The following CACNB1 variants were observed in gnomAD, a reference collection of about 807,000 sequenced individuals.
CACNB1 encodes the protein voltage-dependent L-type calcium channel subunit beta-1.
Under a neutral mutation model 71.6 loss-of-function variants are expected in CACNB1, and 29 were observed. The observed-to-expected ratio is 0.40, with a 90% CI of 0.30 to 0.55. The LOEUF is 0.55. CACNB1 is among the 20% of genes least tolerant of loss of function. CACNB1 has a pLI of 0.38. For synonymous variants in CACNB1, 300 were observed against 319.6 expected, an observed-to-expected ratio of 0.94 and a Z score of 0.65; for missense variants, 623 against 801.8, an observed-to-expected ratio of 0.78 and a Z score of 2.69.
Position 39,183,693 on chromosome 17 carries a change from G to A in CACNB1, c.1050+20C>T. On this transcript the variant is annotated intron_variant, in intron 11 of 13. Transcript: ENST00000394303. ...TTTCAAACCACGCTGTCCTGGCCAGGGTCAGGCTCCTGCACCCACCTTGGG... is the reference window on the plus strand; with the variant it reads ...TTTCAAACCACGCTGTCCTGGCCAGAGTCAGGCTCCTGCACCCACCTTGGG... The A allele has an allele frequency of 6.4e-7, 1 of 1,565,604 alleles. No homozygotes were observed. The highest frequency in any genetic ancestry group is 8.7e-7 in the Non-Finnish European group (1 of 1,152,272).
intron 13 of CACNB1, among the ~76,000 whole-genome samples, chr17:39,176,014 ATTAGCGGTTGATTCGG>A (rs1213065709): frequency 6.6e-6 from 1 of 152,208 alleles, no homozygotes; most frequent in Non-Finnish European, 1.5e-5. Flanking sequence ...ATTGCCACTC[ATTAGCGGTTGATTCGG>A]TTAGTCATTG....
intron 8 of CACNB1, 80 bp from the exon 9 acceptor site, chr17:39,184,463 T>C: frequency 2.4e-6 from 2 of 821,624 alleles, no homozygotes; most frequent in Admixed American, 4.0e-5. Flanking sequence ...CGCTGGGTAT[T>C]TGTACCCTCA....
In CACNB1 at chr17:39,186,204, G is replaced by A; in HGVS notation, c.628+292C>T. 1 of 992,286 alleles carries A rather than the reference G, an allele frequency of 1.0e-6. No individual in the cohort carries two copies. The highest frequency in any genetic ancestry group is 1.5e-6 in the Non-Finnish European group (1 of 646,974). 61.5% of individuals were successfully genotyped at this position (992,286 alleles called of 1,614,324 possible). ...AAGTACAGAACGCAGGGATGGGGATGGGGAAAAAAGAAAGAAGAAGAGGTG... is the reference window on the plus strand; with the variant it reads ...AAGTACAGAACGCAGGGATGGGGATAGGGAAAAAAGAAAGAAGAAGAGGTG... On this transcript the variant is annotated intron_variant, in intron 6 of 13. Transcript: ENST00000394303. This position sits in a 1 kb window ranked among gnomAD's most constrained non-coding sequence, Gnocchi z 4.1.
rs942368117 is a variant in CACNB1 at position 39,175,939 on chromosome 17, G to C, written c.1333-282C>G. ...TATGGCCAACAGCCGTGAGCCATGAGTCACCGCTTCCTCAGTGCAGGTCAT... is the reference window on the plus strand; with the variant it reads ...TATGGCCAACAGCCGTGAGCCATGACTCACCGCTTCCTCAGTGCAGGTCAT... On this transcript the variant is annotated intron_variant, in intron 13 of 13. Coordinates refer to ENST00000394303, the MANE Select transcript of CACNB1 (RefSeq NM_000723.5). This position sits in a 1 kb window ranked among gnomAD's most constrained non-coding sequence, Gnocchi z 4.7. Among the ~76,000 whole-genome samples the C allele has an allele frequency of 6.6e-6, 1 of 152,218 alleles. No homozygotes were observed. Among genetic ancestry groups the C allele is most frequent in the East Asian group, 1.9e-4 (1 of 5,196 alleles).
chr17:39,184,653 G>A, intron 8 of CACNB1, 131 bp downstream of exon 8: 1 of 705,364 alleles, frequency 1.4e-6, no homozygotes, highest in East Asian at 2.7e-5. Flanking sequence ...GGGCCCCCTG[G>A]GGGTTGTCTC....
In CACNB1 at chr17:39,174,143, C is replaced by A. The variant is rs2045521855; in HGVS notation, c.*1050G>T. The A allele has an allele frequency of 6.5e-6, 1 of 152,822 alleles. No homozygotes were observed. Among genetic ancestry groups the A allele is most frequent in the Non-Finnish European group, 1.5e-5 (1 of 68,224 alleles). The allele number at this position is 152,822 out of a possible 1,614,324, so 9.5% of individuals were successfully genotyped here. On this transcript the variant is annotated 3_prime_UTR_variant, in exon 14 of 14. Transcript: ENST00000394303. Reference sequence around the variant, plus strand: ...CAGGGATGCCAAGGCAAAGGGATGCCCCAGGGGAGAGGGGGTACCAAGGCC... The same window carrying A: ...CAGGGATGCCAAGGCAAAGGGATGCACCAGGGGAGAGGGGGTACCAAGGCC...
rs772858368 is a variant in CACNB1 at position 39,177,530 on chromosome 17, C to T, written c.1152G>A (p.Met384Ile). 1 of 1,585,738 alleles carries T rather than the reference C, an allele frequency of 6.3e-7. No individual in the cohort carries two copies. The highest frequency in any genetic ancestry group is 8.6e-7 in the Non-Finnish European group (1 of 1,162,106). The change falls in exon 13 of 14, where the codon ATG (methionine) becomes ATA (isoleucine). Residue 384 changes from methionine (M) to isoleucine (I), a missense_variant. Coordinates refer to ENST00000394303, the MANE Select transcript of CACNB1 (RefSeq NM_000723.5). ...GGTTCTCATCCAGGATGATGTCAAA[C>T]ATTTCCTGTGAAGGCGGGGTTAGGG... ...SEKLAQCPPE[M>I]FDIILDENQL... is the part of the protein sequence containing the mutation.
Position 39,177,485 on chromosome 17 carries a change from C to T in CACNB1, c.1197G>A (p.Glu399=), listed in dbSNP as rs1355097592. 1.9e-6 allele frequency: 3 copies of T among 1,608,952 alleles called. No homozygotes were observed. Among genetic ancestry groups the T allele is most frequent in the Admixed American group, 1.7e-5 (1 of 59,784 alleles). Residue 399 remains glutamate (E), a synonymous_variant, in exon 13 of 14, where the codon GAG becomes GAA. Transcript: ENST00000394303. ...AGGCTTCCAAGTACTCCGCCAGATG[C>T]TCGCAGGCATCCTCCAATTGGTTCT... ...LDENQLEDAC[E]HLAEYLEAYW...
chr17:39,178,159 G>A (rs1284173528), intron 11 of CACNB1, 80 bp from the exon 12 acceptor site: 1 of 1,018,366 alleles, frequency 9.8e-7, no homozygotes, highest in Non-Finnish European at 1.6e-6. Context: ...GGTCCTGGTT[G>A]GATCAGCATG....
rs898061401 is a variant in CACNB1 at position 39,183,035 on chromosome 17, G to C, written c.1050+678C>G. ...TCTAGAAGGGAAAGTTAATGGTGCT[G>C]CAATACAAGGAAAAAGTAAGGCGGC... On this transcript the variant is annotated intron_variant, in intron 11 of 13. Coordinates refer to ENST00000394303, the MANE Select transcript of CACNB1 (RefSeq NM_000723.5). 2.2e-5 allele frequency: 17 copies of C among 761,366 alleles called. No homozygotes were observed. The African/African-American group carries it at 3.2e-4, about 14-fold the overall frequency. The allele number at this position is 761,366 out of a possible 1,614,324, so 47.2% of individuals were successfully genotyped here.
chr17:39,186,256 TGGG>T lies in CACNB1; in HGVS notation c.628+237_628+239del. ...ATGGAACAGGGCTGGGAGAAATGAA[TGGG>T]GGCAGGGCAGGGGAATCAGGCAGAG... On this transcript the variant is annotated intron_variant, in intron 6 of 13. Coordinates refer to ENST00000394303, the MANE Select transcript of CACNB1 (RefSeq NM_000723.5). The surrounding 1 kb of genome is among the most constrained non-coding windows in gnomAD (Gnocchi z 4.1). The T allele has an allele frequency of 4.4e-6, 3 of 678,726 alleles. No homozygotes were observed. In the East Asian group the frequency reaches 8.1e-5, roughly 18 times the overall value. The allele number at this position is 678,726 out of a possible 1,614,324, so 42.0% of individuals were successfully genotyped here.
intron 3 of CACNB1, among the ~76,000 whole-genome samples, chr17:39,189,081 T>C (rs1008480236): frequency 2.0e-5 from 3 of 150,694 alleles, no homozygotes; most frequent in African/African-American, 7.3e-5. Flanking sequence ...ATAATAGTTA[T>C]AGGCCGGGCG....
chr17:39,185,434 G>C (rs1314483233), intron 6 of CACNB1, among the ~76,000 whole-genome samples: 1 of 152,044 alleles, frequency 6.6e-6, no homozygotes, highest in East Asian at 1.9e-4. Context: ...ACCCTCTTCT[G>C]GGTCTTGGAA....
Position 39,178,005 on chromosome 17 carries a change from T to C in CACNB1, c.1125A>G (p.Glu375=). Residue 375 remains glutamate (E), a synonymous_variant, in exon 12 of 14, where the codon GAA becomes GAG. Coordinates refer to ENST00000394303, the MANE Select transcript of CACNB1 (RefSeq NM_000723.5). ...TCACAGGGGGGCACTGTGCCAGCTT[T>C]TCCGAGGCCGCTATTTGGACATTGA... The part of the protein sequence containing the change: ...KHLNVQIAAS[E]KLAQCPPEMF... 1 of 1,614,036 alleles carries C rather than the reference T, an allele frequency of 6.2e-7. No individual in the cohort carries two copies. Among genetic ancestry groups the C allele is most frequent in the African/African-American group, 1.3e-5 (1 of 75,044 alleles).
At chr17:39,187,331 T>A in intron 4 of CACNB1, 148 bp downstream of exon 4, 1 of 894,480 alleles carries the variant, frequency 1.1e-6, no homozygotes, top group East Asian at 2.6e-5. Flanking sequence ...AGTAGAAAAT[T>A]AAGAGGCTCA....
intron 13 of CACNB1, among the ~76,000 whole-genome samples, chr17:39,176,189 G>C (rs750298928): frequency 1.6e-4 from 25 of 152,180 alleles, no homozygotes; most frequent in Non-Finnish European, 2.9e-4. Context: ...CTCCAAGGCT[G>C]ATGGGATTCC....
intron 2 of CACNB1, chr17:39,193,630 C>T (rs898883615): frequency 3.7e-6 from 1 of 271,824 alleles, no homozygotes; most frequent in Non-Finnish European, 7.4e-6. Flanking sequence ...CCCCCCTCCA[C>T]CACTCCCCAC....
intron 13 of CACNB1, 25 bp downstream of exon 13, chr17:39,177,325 T>TCCTGAG (rs2045607168): frequency 6.2e-7 from 1 of 1,612,226 alleles, no homozygotes; most frequent in Admixed American, 1.7e-5. Context: ...CCGAGGTTTC[T>TCCTGAG]CCTGAGCGAG....
chr17:39,174,767 G>T lies in CACNB1; in HGVS notation c.*426C>A. On this transcript the variant is annotated 3_prime_UTR_variant, in exon 14 of 14. Transcript: ENST00000394303. ...TGGGGAAGAGAGCCCCCATGGGAAA[G>T]AATCTGTGGCCTCCCTTTCCAGGAA... 6.2e-6 allele frequency: 1 copy of T among 162,472 alleles called. No individual in the cohort carries two copies. Among genetic ancestry groups the T allele is most frequent in the Non-Finnish European group, 1.3e-5 (1 of 74,372 alleles). 10.1% of individuals were successfully genotyped at this position (162,472 alleles called of 1,614,324 possible).
Sources: allele counts gnomAD v4.1 joint callset (sites outside exome capture counted in the v4.1 genomes callset), GRCh38; gene constraint gnomAD v4.1.1; non-coding constraint Gnocchi (gnomAD v3.1); transcripts MANE v1.5; gene names NCBI Gene and HGNC (gene_info 2026-07-23, HGNC 2026-07-21).